Variants in PSD3 observed in about 807,000 individuals in gnomAD.
PSD3 encodes pleckstrin and Sec7 domain containing 3.
PSD3 carries 49 observed loss-of-function variants against 105.5 expected under a neutral mutation model. The ratio of observed to expected loss-of-function variants is 0.46; its 90% CI spans 0.37 to 0.59. The LOEUF is 0.59. PSD3 is among the 20% of genes least tolerant of loss of function. The pLI, the probability that PSD3 is intolerant of heterozygous loss-of-function variation, is 0.00. For missense variants in PSD3, 1,561 were observed against 1,263.8 expected (o/e 1.24, Z -3.57); for synonymous variants, 557 against 457.8 (o/e 1.22, Z -2.77).
chr8:18,586,746 C>T lies in PSD3; in HGVS notation c.2482-11461G>A, dbSNP rs371993716. On this transcript the variant is annotated intron_variant, in intron 12 of 15. Coordinates refer to ENST00000327040, the MANE Select transcript of PSD3 (RefSeq NM_015310.4). ...TTCTGTCTCAGGCAGTACTACCCCCCTCATTTATCCCCAAGGCCGAGACGT... is the reference window on the plus strand; with the variant it reads ...TTCTGTCTCAGGCAGTACTACCCCCTTCATTTATCCCCAAGGCCGAGACGT... Among the ~76,000 whole-genome samples the T allele has an allele frequency of 7.2e-5, 11 of 152,250 alleles. No individual in the cohort carries two copies. The South Asian group carries it at 2.3e-3, about 32-fold the overall frequency.
Position 18,985,655 on chromosome 8 carries a change from C to T in PSD3, c.21+27908G>A, listed in dbSNP as rs528586530. Reference sequence around the variant, plus strand: ...AGAAATATGAGCTTTTTCAGTTAAACATACTCCTAAAAATAGCATTTTCTT... The same window carrying T: ...AGAAATATGAGCTTTTTCAGTTAAATATACTCCTAAAAATAGCATTTTCTT... On this transcript the variant is annotated intron_variant, in intron 1 of 15. Transcript: ENST00000327040. Among the ~76,000 whole-genome samples, 3 of 152,238 alleles carry T rather than the reference C, an allele frequency of 2.0e-5. No individual in the cohort carries two copies. The South Asian group carries it at 6.2e-4, about 32-fold the overall frequency.
chr8:18,945,839 G>A (rs2129469690), intron 1 of PSD3, among the ~76,000 whole-genome samples: 1 of 126,398 alleles, frequency 7.9e-6, no homozygotes, highest in Admixed American at 8.0e-5. Flanking sequence ...GCCAGGTGCA[G>A]TGGTGCACAC....
intron 8 of PSD3, among the ~76,000 whole-genome samples, chr8:18,791,906 G>T (rs1288663634): frequency 6.6e-6 from 1 of 152,064 alleles, no homozygotes; most frequent in Non-Finnish European, 1.5e-5. Flanking sequence ...TTAAAAAGTG[G>T]GCAAAGGACA....
intron 4 of PSD3, among the ~76,000 whole-genome samples, chr8:18,839,546 G>A (rs371856725): frequency 5.3e-5 from 8 of 152,194 alleles, no homozygotes; most frequent in South Asian, 2.1e-4. Flanking sequence ...TGATGGTTCC[G>A]GGCAGTCACA....
intron 12 of PSD3, among the ~76,000 whole-genome samples, chr8:18,586,229 G>C (rs914041766): frequency 1.3e-5 from 2 of 152,168 alleles, no homozygotes; most frequent in Admixed American, 1.3e-4. Context: ...TGGGATGGGA[G>C]TAGTGAAAGA....
intron 11 of PSD3, among the ~76,000 whole-genome samples, chr8:18,603,141 T>C (rs1407462766): frequency 2.0e-5 from 3 of 152,188 alleles, no homozygotes; most frequent in Non-Finnish European, 4.4e-5. Context: ...AGACACCATT[T>C]TACATGTGAG....
chr8:18,749,859 G>A (rs1805329260), intron 9 of PSD3, among the ~76,000 whole-genome samples: 1 of 152,036 alleles, frequency 6.6e-6, no homozygotes. Context: ...AAGAAAAGGG[G>A]GACCGCAGTC....
At chr8:18,697,956 A>G (rs1801354305) in intron 9 of PSD3, among the ~76,000 whole-genome samples, 1 of 152,222 alleles carries the variant, frequency 6.6e-6, no homozygotes, top group Non-Finnish European at 1.5e-5. Flanking sequence ...AAAGATGTCC[A>G]TGTCCTAACT....
At chr8:19,044,383 G>A (rs1000481957) in intron 1 of PSD3, among the ~76,000 whole-genome samples, 2 of 152,068 alleles carry the variant, frequency 1.3e-5, no homozygotes, top group African/African-American at 4.8e-5. Context: ...CCTGAGCTTT[G>A]GAGCGTCAGA....
At chr8:18,712,909 C>A (rs530510196) in intron 9 of PSD3, among the ~76,000 whole-genome samples, 18 of 152,206 alleles carry the variant, frequency 1.2e-4, no homozygotes, top group African/African-American at 4.3e-4. Flanking sequence ...AACTGCATCC[C>A]GAAGCACATT....
At chr8:18,967,355 A>G (rs1213329574) in intron 1 of PSD3, among the ~76,000 whole-genome samples, 1 of 152,046 alleles carries the variant, frequency 6.6e-6, no homozygotes, top group Non-Finnish European at 1.5e-5. Context: ...GGGCTTCTCC[A>G]TGCTGGTCAG....
intron 12 of PSD3, among the ~76,000 whole-genome samples, chr8:18,583,262 G>A (rs1802939387): frequency 6.6e-6 from 1 of 152,164 alleles, no homozygotes; most frequent in African/African-American, 2.4e-5. Context: ...AACGAAGTGA[G>A]ATCCCGTTTC....
At chr8:18,962,178 G>A (rs539282302) in intron 1 of PSD3, among the ~76,000 whole-genome samples, 25 of 152,034 alleles carry the variant, frequency 1.6e-4, no homozygotes, top group South Asian at 8.3e-4. Flanking sequence ...TCTGGGAGGC[G>A]GAGGTTGCAG....
At chr8:18,977,254 T>C (rs528525852) in intron 1 of PSD3, among the ~76,000 whole-genome samples, 8 of 74,758 alleles carry the variant, frequency 1.1e-4, no homozygotes, top group Admixed American at 3.4e-4. Flanking sequence ...AACAACACCC[T>C]ATCTCAAAAA....
At chr8:18,758,125 T>C (rs753923792) in intron 9 of PSD3, among the ~76,000 whole-genome samples, 6 of 152,184 alleles carry the variant, frequency 3.9e-5, no homozygotes, top group Non-Finnish European at 7.3e-5. Flanking sequence ...TGCAAAACTA[T>C]AGTATGATAG....
At chr8:19,076,789 T>A (rs1051250679) in intron 1 of PSD3, among the ~76,000 whole-genome samples, 1 of 152,070 alleles carries the variant, frequency 6.6e-6, no homozygotes, top group African/African-American at 2.4e-5. Flanking sequence ...CTCCCTCCCT[T>A]CCTTCTCTCC....
intron 9 of PSD3, among the ~76,000 whole-genome samples, chr8:18,705,325 C>A (rs1321051505): frequency 6.6e-6 from 1 of 151,942 alleles, no homozygotes; most frequent in African/African-American, 2.4e-5. Flanking sequence ...CTCAGTAGTT[C>A]GAGATCAGCC....
At chr8:18,576,257 G>C (rs1802457348) in intron 12 of PSD3, among the ~76,000 whole-genome samples, 1 of 151,998 alleles carries the variant, frequency 6.6e-6, no homozygotes, top group African/African-American at 2.4e-5. Context: ...TGAGGCAAAG[G>C]TTTTCCCTCT....
chr8:18,811,093 C>G (rs1478783375), intron 4 of PSD3, among the ~76,000 whole-genome samples: 1 of 152,196 alleles, frequency 6.6e-6, no homozygotes, highest in East Asian at 1.9e-4. Flanking sequence ...AGAGCCATAG[C>G]ACCCACCATG....
Sources: gnomAD v4.1 joint callset for allele counts (sites outside exome capture counted in the v4.1 genomes callset) on GRCh38, gnomAD v4.1.1 for gene constraint, MANE v1.5 for transcripts, NCBI Gene and HGNC (gene_info 2026-07-23, HGNC 2026-07-21) for gene names.